CNTN5: variants seen among roughly 807,000 people sequenced by gnomAD.
The protein encoded by CNTN5 is contactin 5.
Under a neutral mutation model 129.1 loss-of-function variants are expected in CNTN5, and 77 were observed. The ratio of observed to expected loss-of-function variants is 0.60; its 90% CI spans 0.50 to 0.72. The LOEUF (loss-of-function observed/expected upper bound fraction) is 0.72, where lower values mean the gene tolerates loss of function less well. Ranked by LOEUF, CNTN5 falls within the 30% of genes least tolerant of loss-of-function variation. The pLI, the probability that CNTN5 is intolerant of heterozygous loss-of-function variation, is 0.00. For synonymous variants in CNTN5, 509 were observed against 465.6 expected, an observed-to-expected ratio of 1.09 and a Z score of -1.20; for missense variants, 1,478 against 1,328.8, an observed-to-expected ratio of 1.11 and a Z score of -1.75.
chr11:100,104,103 T>C (rs1945329439), intron 13 of CNTN5, among the ~76,000 whole-genome samples: 1 of 151,382 alleles, frequency 6.6e-6, no homozygotes, highest in African/African-American at 2.4e-5. Context: ...ACTTTTTTTT[T>C]TTTTTTTTTG....
At chr11:99,686,135 A>T (rs1953781109) in intron 3 of CNTN5, among the ~76,000 whole-genome samples, 1 of 151,924 alleles carries the variant, frequency 6.6e-6, no homozygotes, top group South Asian at 2.1e-4. Flanking sequence ...GTATTTTATT[A>T]TGTATATATC....
chr11:99,765,064 A>C (rs1443678334), intron 3 of CNTN5, among the ~76,000 whole-genome samples: 1 of 152,044 alleles, frequency 6.6e-6, no homozygotes, highest in Non-Finnish European at 1.5e-5. Context: ...AAAGTGTAGC[A>C]GTTTTTTACT....
intron 2 of CNTN5, among the ~76,000 whole-genome samples, chr11:99,357,160 G>A (rs1441360799): frequency 1.3e-5 from 2 of 151,782 alleles, no homozygotes; most frequent in African/African-American, 2.4e-5. Context: ...GGTCAAGGAT[G>A]GCAGTGGCGT....
At chr11:99,316,731 CAA>C (rs559211939) in intron 1 of CNTN5, among the ~76,000 whole-genome samples, 24 of 128,016 alleles carry the variant, frequency 1.9e-4, no homozygotes, top group Admixed American at 2.4e-4. Flanking sequence ...TGAACTGAGT[CAA>C]AAAAAAAAAA....
At position 99,026,382 on chromosome 11, in the gene CNTN5, A is replaced by G. The variant is rs547652561; in HGVS notation, c.-210+5112A>G. ...TTAAAACAACTTGTTAGTGACCACT[A>G]TTTCTTTTCTAATTTTGTATTTTCA... On this transcript the variant is annotated intron_variant, in intron 1 of 24. Transcript: ENST00000524871. Among the ~76,000 whole-genome samples the G allele has an allele frequency of 5.9e-5, 9 of 151,670 alleles. No homozygotes were observed. In the East Asian group the frequency reaches 1.5e-3, roughly 26 times the overall value.
chr11:99,864,731 G>A (rs1948309220), intron 6 of CNTN5, among the ~76,000 whole-genome samples: 1 of 152,148 alleles, frequency 6.6e-6, no homozygotes, highest in South Asian at 2.1e-4. Flanking sequence ...TTGCCTCGGA[G>A]TTTTTGGGGA....
intron 8 of CNTN5, among the ~76,000 whole-genome samples, chr11:99,998,007 A>C (rs1939573778): frequency 6.6e-6 from 1 of 152,162 alleles, no homozygotes; most frequent in Admixed American, 6.6e-5. Flanking sequence ...ACGTATCTCA[A>C]AATGATAAGA....
intron 13 of CNTN5, among the ~76,000 whole-genome samples, chr11:100,154,834 T>C (rs1421275020): frequency 6.6e-6 from 1 of 152,232 alleles, no homozygotes; most frequent in Non-Finnish European, 1.5e-5. Flanking sequence ...TTTAGAAATG[T>C]CTTTTCATAT....
intron 3 of CNTN5, among the ~76,000 whole-genome samples, chr11:99,634,375 G>T (rs938753130): frequency 2.0e-5 from 3 of 152,102 alleles, no homozygotes; most frequent in African/African-American, 7.2e-5. Context: ...GATGAAAGTG[G>T]ACAGGCTTTA....
intron 9 of CNTN5, among the ~76,000 whole-genome samples, chr11:100,026,267 T>C (rs1941414700): frequency 2.6e-5 from 4 of 151,328 alleles, no homozygotes; most frequent in Admixed American, 2.6e-4. Context: ...AGAAGATGCC[T>C]TGCTTCTTCT....
rs147779570 is a variant in CNTN5, at chr11:99,823,012, G to A, written c.277+3247G>A. The stretch of plus-strand genomic sequence containing the variant: ...TCTGGCCAACAGCCCAAGAGTAAGT[G>A]AAGGACTCAGTTCAACACCCCTAAG... On this transcript the variant is annotated intron_variant, in intron 4 of 24. Transcript: ENST00000524871. Among the ~76,000 whole-genome samples, 179 of 152,288 alleles carry A rather than the reference G, an allele frequency of 1.2e-3. 1 individual carries two copies. Among genetic ancestry groups the A allele is most frequent in the African/African-American group, 4.0e-3 (166 of 41,536 alleles).
chr11:99,870,795 A>G (rs906275101), intron 6 of CNTN5, among the ~76,000 whole-genome samples: 2 of 124,886 alleles, frequency 1.6e-5, no homozygotes, highest in Non-Finnish European at 3.4e-5. Context: ...GAAGTGAGTT[A>G]TATGTTAATC....
At chr11:99,242,001 G>A (rs75397333) in intron 1 of CNTN5, among the ~76,000 whole-genome samples, 2,603 of 152,120 alleles carry the variant, frequency 0.017, 88 homozygotes, top group African/African-American at 0.06. Context: ...ATTGTTAGAT[G>A]ACAAAGTGGT....
At chr11:99,930,229 A>G (rs944584527) in intron 7 of CNTN5, among the ~76,000 whole-genome samples, 2 of 152,116 alleles carry the variant, frequency 1.3e-5, no homozygotes, top group Non-Finnish European at 2.9e-5. Context: ...TCAAACTGCC[A>G]TTTTGCTCCT....
At chr11:99,850,328 A>G (rs1947832950) in intron 6 of CNTN5, among the ~76,000 whole-genome samples, 1 of 152,186 alleles carries the variant, frequency 6.6e-6, no homozygotes, top group African/African-American at 2.4e-5. Flanking sequence ...AGATAACTGC[A>G]GCTATTGTCA....
chr11:99,139,079 ACTCCATCTCTACCCCCTCCCCACCCCC>A (rs1859381080), intron 1 of CNTN5, among the ~76,000 whole-genome samples: 1 of 133,968 alleles, frequency 7.5e-6, no homozygotes, highest in East Asian at 2.4e-4. Context: ...GATGGGCGAA[ACTCCATCTCTACCCCCTCCCCACCCCC>A]CCCCCCCAAA....
At chr11:99,992,000 A>G (rs1044583819) in intron 8 of CNTN5, among the ~76,000 whole-genome samples, 51 of 152,338 alleles carry the variant, frequency 3.3e-4, no homozygotes, top group African/African-American at 1.2e-3. Context: ...AATATAGAAG[A>G]AACATGTCTC....
intron 13 of CNTN5, among the ~76,000 whole-genome samples, chr11:100,150,481 A>AATG (rs755014448): frequency 2.0e-5 from 3 of 152,004 alleles, no homozygotes; most frequent in East Asian, 3.9e-4. Flanking sequence ...CTTTAAACAG[A>AATG]ATGATTTTAT....
At chr11:100,291,766 T>C (rs1950980436) in intron 18 of CNTN5, among the ~76,000 whole-genome samples, 2 of 109,160 alleles carry the variant, frequency 1.8e-5, no homozygotes, top group Non-Finnish European at 2.2e-5. Flanking sequence ...AATAAATAAA[T>C]AAATAAATAA....
Sources: gnomAD v4.1 joint callset for allele counts (sites outside exome capture counted in the v4.1 genomes callset) on GRCh38, gnomAD v4.1.1 for gene constraint, MANE v1.5 for transcripts, NCBI Gene and HGNC (gene_info 2026-07-23, HGNC 2026-07-21) for gene names.